The following TGM4 variants were observed in gnomAD, a reference collection of about 807,000 sequenced individuals.
TGM4 encodes transglutaminase 4.
In TGM4, 61 loss-of-function variants were observed where a neutral mutation model predicts 76.3. The observed-to-expected ratio is 0.80, with a 90% CI of 0.65 to 0.99. TGM4 has a LOEUF of 0.99. Among genes scored for constraint, TGM4 ranks in the 50% least tolerant of loss-of-function variants. The probability of loss-of-function intolerance (pLI) is 0.00; values close to 1 mark genes in which losing one functional copy is unlikely to be tolerated. For missense variants in TGM4, 794 were observed against 843.2 expected, an observed-to-expected ratio of 0.94 and a Z score of 0.72; for synonymous variants, 337 against 329.8, an observed-to-expected ratio of 1.02 and a Z score of -0.24.
Position 44,896,734 on chromosome 3 carries a change from G to C in TGM4, c.575G>C (p.Cys192Ser). 7 of 1,614,138 alleles carry C rather than the reference G, an allele frequency of 4.3e-6. No homozygotes were observed. Among genetic ancestry groups the C allele is most frequent in the Non-Finnish European group, 5.9e-6 (7 of 1,180,018 alleles). ...TTTGAGAAAAATGTCCTGGACTGCTGCATTTCCCTGCTGACTGAGAGCTCC... is the reference window on the plus strand; with the variant it reads ...TTTGAGAAAAATGTCCTGGACTGCTCCATTTCCCTGCTGACTGAGAGCTCC... ...GQFEKNVLDC[C>S]ISLLTESSLK... The change falls in exon 6 of 14, where the codon TGC becomes TCC. Residue 192 changes from cysteine (C) to serine (S), a missense_variant. Cys to Ser is a moderately radical substitution (Grantham distance 112). Coordinates refer to ENST00000296125, the MANE Select transcript of TGM4 (RefSeq NM_003241.4).
chr3:44,891,418 A>T (rs1057287131), intron 4 of TGM4, among the ~76,000 whole-genome samples: 5 of 147,802 alleles, frequency 3.4e-5, no homozygotes, highest in Non-Finnish European at 7.5e-5. Context: ...GGCAAAAATG[A>T]TGTAATGAAC....
intron 1 of TGM4, among the ~76,000 whole-genome samples, chr3:44,885,060 C>T (rs1041037957): frequency 3.9e-5 from 6 of 152,178 alleles, no homozygotes; most frequent in Admixed American, 6.5e-5. Flanking sequence ...ACCTATTTTG[C>T]GGGGTTACAT....
At chr3:44,887,600 T>TG (rs936372825) in intron 2 of TGM4, 89 bp from the exon 3 acceptor site, 42 of 1,194,340 alleles carry the variant, frequency 3.5e-5, no homozygotes, top group Non-Finnish European at 4.9e-5. Flanking sequence ...GGGGGCTCCA[T>TG]GAGTGGGCAG....
chr3:44,898,329 A>G (rs1699808793), intron 6 of TGM4, among the ~76,000 whole-genome samples: 1 of 151,632 alleles, frequency 6.6e-6, no homozygotes, highest in Admixed American at 6.6e-5. Context: ...ATATTCCCAT[A>G]GCCTTTTCAG....
At chr3:44,893,483 T>C in intron 4 of TGM4, 94 bp from the exon 5 acceptor site, 1 of 1,109,010 alleles carries the variant, frequency 9.0e-7, no homozygotes, top group East Asian at 2.4e-5. Flanking sequence ...CACAAAGACC[T>C]TGAATCTCCC....
At chr3:44,891,040 C>G (rs1312452993) in intron 4 of TGM4, among the ~76,000 whole-genome samples, 1 of 152,224 alleles carries the variant, frequency 6.6e-6, no homozygotes, top group Admixed American at 6.5e-5. Flanking sequence ...CCAAGGACTT[C>G]TTCCTTGCCA....
rs1034008601 is a variant in TGM4, at chr3:44,887,988, C to T, written c.300+193C>T. 4 of 595,618 alleles carry T rather than the reference C, an allele frequency of 6.7e-6. No individual in the cohort carries two copies. In the South Asian group the frequency reaches 8.1e-5, roughly 12 times the overall value. The allele number at this position is 595,618 out of a possible 1,614,324, so 36.9% of individuals were successfully genotyped here. A position where few individuals can be genotyped will look rare whatever the true frequency, so the allele number is the denominator to read the frequency against. On this transcript the variant is annotated intron_variant, in intron 3 of 13. Coordinates refer to ENST00000296125, the MANE Select transcript of TGM4 (RefSeq NM_003241.4). ...TCAGCCTCCTCCAAGCACACAGTAT[C>T]GCTGTGGCCAAACCTCCTACATGTC... is the stretch of plus-strand genomic sequence containing the variant.
chr3:44,891,985 G>A (rs1296105354), intron 4 of TGM4, among the ~76,000 whole-genome samples: 11 of 150,910 alleles, frequency 7.3e-5, no homozygotes, highest in South Asian at 2.1e-4. Flanking sequence ...TAGGCCAGGC[G>A]CGGTGGCTCA....
intron 5 of TGM4, 65 bp downstream of exon 5, chr3:44,893,760 A>G (rs1009836154): frequency 2.2e-6 from 3 of 1,373,452 alleles, no homozygotes; most frequent in African/African-American, 2.9e-5. Flanking sequence ...TTAGCTGGGT[A>G]GTAGTCAGTA....
At chr3:44,911,520 A>G (rs1700005647) in intron 13 of TGM4, 114 bp downstream of exon 13, 1 of 1,253,690 alleles carries the variant, frequency 8.0e-7, no homozygotes, top group African/African-American at 1.5e-5. Context: ...CAAAATGTAG[A>G]TACATTTTGC....
intron 1 of TGM4, chr3:44,876,601 C>T (rs1016752962): frequency 3.3e-5 from 5 of 151,972 alleles, no homozygotes; most frequent in Admixed American, 2.6e-4. Context: ...TATCCCACAA[C>T]GAATCCCAGA....
Position 44,903,914 on chromosome 3 carries a change from G to A in TGM4, c.1002G>A (p.Met334Ile). The A allele has an allele frequency of 6.2e-7, 1 of 1,614,236 alleles. No homozygotes were observed. Among genetic ancestry groups the A allele is most frequent in the Non-Finnish European group, 8.5e-7 (1 of 1,180,038 alleles). ...WNFHVWTDAW[M>I]KRPDLPKGYD... ...TCCATGTGTGGACGGATGCCTGGAT[G>A]AAGCGACCGGATCTGCCCAAGGGCT... Residue 334 changes from methionine (M) to isoleucine (I), a missense_variant, in exon 9 of 14, where the codon ATG becomes ATA. Physicochemically the swap from Met to Ile is conservative, Grantham distance 10. Transcript: ENST00000296125.
Position 44,907,023 on chromosome 3 carries a change from T to A in TGM4, c.1150T>A (p.Phe384Ile). 1 of 1,614,124 alleles carries A rather than the reference T, an allele frequency of 6.2e-7. No individual in the cohort carries two copies. Among genetic ancestry groups the A allele is most frequent in the Non-Finnish European group, 8.5e-7 (1 of 1,180,022 alleles). The change falls in exon 10 of 14, where the codon TTC becomes ATC. Residue 384 changes from phenylalanine to isoleucine, a missense_variant. By Grantham distance (21) the Phe-to-Ile change is conservative. Transcript: ENST00000296125. The stretch of plus-strand genomic sequence containing the variant: ...CATCTTTATTGTCTATGACACCAGA[T>A]TCGTCTTCTCAGAAGTGAATGGTGA... ...GDIFIVYDTR[F>I]VFSEVNGDRL...
chr3:44,879,642 T>C (rs1017595343), intron 1 of TGM4, among the ~76,000 whole-genome samples: 3 of 150,342 alleles, frequency 2.0e-5, no homozygotes, highest in Non-Finnish European at 4.4e-5. Context: ...CCGGCTAATT[T>C]TGATTTTGTA....
chr3:44,894,911 G>A (rs1413077864), intron 5 of TGM4, among the ~76,000 whole-genome samples: 1 of 152,114 alleles, frequency 6.6e-6, no homozygotes, highest in Admixed American at 6.5e-5. Flanking sequence ...GAAATGGAAG[G>A]GAGTAGCTGG....
chr3:44,874,692 C>G lies in TGM4; in HGVS notation c.14C>G (p.Ser5Ter), dbSNP rs759824651. 3 of 1,614,058 alleles carry G rather than the reference C, an allele frequency of 1.9e-6. No homozygotes were observed. The South Asian group carries it at 3.3e-5, about 18-fold the overall frequency. Residue 5 changes from serine to a stop codon, truncating the protein, a stop_gained, in exon 1 of 14, where the codon TCA becomes TGA. Transcript: ENST00000296125. LOFTEE classifies it high-confidence loss of function. ...GAATCTGAAGGGATGATGGATGCAT[C>G]AAAAGGTGAGTGGGTGAAATCTCCA... MMDA[S>*]KELQVLHIDF...
Position 44,901,604 on chromosome 3 carries a change from G to A in TGM4, c.738G>A (p.Trp246Ter). 1 of 1,614,174 alleles carries A rather than the reference G, an allele frequency of 6.2e-7. No homozygotes were observed. Among genetic ancestry groups the A allele is most frequent in the Non-Finnish European group, 8.5e-7 (1 of 1,180,018 alleles). The change falls in exon 7 of 14, where the codon TGG becomes TGA. Residue 246 changes from tryptophan to a stop codon, truncating the protein, a stop_gained. Coordinates refer to ENST00000296125, the MANE Select transcript of TGM4 (RefSeq NM_003241.4). LOFTEE classifies it high-confidence loss of function. Reference sequence around the variant, plus strand: ...AAGGTGGCACAGCCCCATACAAGTGGACAGGCAGTGCCCCGATCCTGCAGC... The same window carrying A: ...AAGGTGGCACAGCCCCATACAAGTGAACAGGCAGTGCCCCGATCCTGCAGC... ...DYEGGTAPYK[W>*]TGSAPILQQY...
chr3:44,895,885 T>C (rs1699772470), intron 5 of TGM4, among the ~76,000 whole-genome samples: 1 of 152,190 alleles, frequency 6.6e-6, no homozygotes, highest in Non-Finnish European at 1.5e-5. Context: ...TAAAGTGGCT[T>C]ACAGTAAATA....
At chr3:44,883,316 T>C (rs1270298966) in intron 1 of TGM4, among the ~76,000 whole-genome samples, 3 of 152,154 alleles carry the variant, frequency 2.0e-5, no homozygotes, top group Non-Finnish European at 4.4e-5. Context: ...GATTAGGTGA[T>C]AAGGGCTTCT....
Sources: gnomAD v4.1 joint callset for allele counts (sites outside exome capture counted in the v4.1 genomes callset) on GRCh38, gnomAD v4.1.1 for gene constraint, MANE v1.5 for transcripts, NCBI Gene and HGNC (gene_info 2026-07-23, HGNC 2026-07-21) for gene names.